The following FBXW11 variants were observed in gnomAD, a reference collection of about 807,000 sequenced individuals.
FBXW11 encodes F-box/WD repeat-containing protein 11.
FBXW11 carries 19 observed loss-of-function variants against 77.6 expected under a neutral mutation model. The observed-to-expected ratio is 0.24, with a 90% CI of 0.17 to 0.36. The LOEUF is 0.36. Among genes scored for constraint, FBXW11 ranks in the 10% least tolerant of loss-of-function variants. FBXW11 has a pLI of 1.00. For missense variants in FBXW11, 334 were observed against 704.2 expected, an observed-to-expected ratio of 0.47 and a Z score of 5.95; for synonymous variants, 235 against 249.4, an observed-to-expected ratio of 0.94 and a Z score of 0.54.
At chr5:171,886,016 G>A (rs142012555) in intron 7 of FBXW11, among the ~76,000 whole-genome samples, 268 of 152,330 alleles carry the variant, frequency 1.8e-3, no homozygotes, top group African/African-American at 6.1e-3. Flanking sequence ...TCAAATGGAT[G>A]TGCCACAATT....
intron 7 of FBXW11, among the ~76,000 whole-genome samples, chr5:171,890,433 C>T (rs190006993): frequency 1.4e-4 from 20 of 143,004 alleles, no homozygotes; most frequent in Admixed American, 5.2e-4. Context: ...TGAGGTAGGA[C>T]GGCAGGAGAA....
intron 10 of FBXW11, 90 bp downstream of exon 10, chr5:171,872,782 C>T (rs1012427785): frequency 1.1e-6 from 1 of 898,244 alleles, no homozygotes. Flanking sequence ...TCCCATTTAC[C>T]CTGAGTTGTT....
chr5:171,947,970 T>G (rs1763102369), intron 2 of FBXW11, among the ~76,000 whole-genome samples: 1 of 152,072 alleles, frequency 6.6e-6, no homozygotes, highest in Admixed American at 6.6e-5. Flanking sequence ...GCATGGTGGC[T>G]CACACCTATA....
At chr5:171,950,851 C>A (rs1581244742) in intron 2 of FBXW11, among the ~76,000 whole-genome samples, 1 of 152,138 alleles carries the variant, frequency 6.6e-6, no homozygotes, top group South Asian at 2.1e-4. Context: ...CATGCCACTA[C>A]ACTCTAGCCT....
intron 1 of FBXW11, among the ~76,000 whole-genome samples, chr5:171,976,341 T>C (rs1380947333): frequency 6.6e-6 from 1 of 152,188 alleles, no homozygotes; most frequent in African/African-American, 2.4e-5. Flanking sequence ...GTAGCAAATA[T>C]ACTCACTTTG....
Position 171,876,675 on chromosome 5 carries a change from C to T in FBXW11, c.972-141G>A. 1.7e-6 allele frequency: 2 copies of T among 1,153,844 alleles called. No individual in the cohort carries two copies. Among genetic ancestry groups the T allele is most frequent in the South Asian group, 3.0e-5 (2 of 66,110 alleles). 71.5% of individuals were successfully genotyped at this position (1,153,844 alleles called of 1,614,324 possible). A position where few individuals can be genotyped will look rare whatever the true frequency, so the allele number is the denominator to read the frequency against. On this transcript the variant is annotated intron_variant, in intron 8 of 13. Coordinates refer to ENST00000517395, the MANE Select transcript of FBXW11 (RefSeq NM_001378974.1). This position sits in a 1 kb window ranked among gnomAD's most constrained non-coding sequence, Gnocchi z 4.2. ...CAAATCTCATGTTGAAATTGATCCT[C>T]AATGTTGGAGGTGGGGCCTGGCAGG...
At chr5:171,954,832 C>A (rs1181646454) in intron 2 of FBXW11, among the ~76,000 whole-genome samples, 8 of 151,958 alleles carry the variant, frequency 5.3e-5, no homozygotes, top group African/African-American at 1.9e-4. Context: ...AAACCATATA[C>A]CAGGTGTCAA....
chr5:171,976,844 T>A (rs2113461590), intron 1 of FBXW11, among the ~76,000 whole-genome samples: 1 of 152,088 alleles, frequency 6.6e-6, no homozygotes, highest in Non-Finnish European at 1.5e-5. Flanking sequence ...GTCAGGAATT[T>A]GAGACTAGCC....
chr5:171,969,322 T>G (rs751128094), intron 1 of FBXW11, among the ~76,000 whole-genome samples: 3 of 152,200 alleles, frequency 2.0e-5, no homozygotes, highest in Non-Finnish European at 4.4e-5. Flanking sequence ...TCTCCTGATG[T>G]AATGAACATT....
intron 2 of FBXW11, among the ~76,000 whole-genome samples, chr5:171,944,119 A>G (rs1339574552): frequency 6.6e-6 from 1 of 152,180 alleles, no homozygotes; most frequent in Non-Finnish European, 1.5e-5. Flanking sequence ...TAAAATATAT[A>G]AGACAATGTC....
chr5:171,939,996 TA>T (rs774955230), intron 2 of FBXW11, among the ~76,000 whole-genome samples: 15 of 152,318 alleles, frequency 9.8e-5, no homozygotes, highest in Admixed American at 3.3e-4. Context: ...AAAAGCTATG[TA>T]AATAGTTGTT....
chr5:172,006,223 C>A (rs1766756813), intron 1 of FBXW11, among the ~76,000 whole-genome samples: 1 of 152,098 alleles, frequency 6.6e-6, no homozygotes, highest in African/African-American at 2.4e-5. Flanking sequence ...GAGACGGGAC[C>A]AGGGGGAGGG....
intron 1 of FBXW11, among the ~76,000 whole-genome samples, chr5:171,979,316 A>G (rs533905149): frequency 6.6e-6 from 1 of 152,246 alleles, no homozygotes; most frequent in African/African-American, 2.4e-5. Context: ...CTCAAAAAAT[A>G]AATATATACA....
chr5:171,950,686 G>T (rs1241631838), intron 2 of FBXW11, among the ~76,000 whole-genome samples: 1 of 152,140 alleles, frequency 6.6e-6, no homozygotes, highest in African/African-American at 2.4e-5. Context: ...AGGAGTTCGA[G>T]AACAGCCTGG....
intron 1 of FBXW11, among the ~76,000 whole-genome samples, chr5:171,959,976 C>A (rs979487885): frequency 1.1e-4 from 17 of 152,158 alleles, no homozygotes; most frequent in African/African-American, 4.1e-4. Flanking sequence ...GATTTTCTTT[C>A]CACTACAACA....
At chr5:171,983,911 C>T (rs1765292751) in intron 1 of FBXW11, among the ~76,000 whole-genome samples, 1 of 151,800 alleles carries the variant, frequency 6.6e-6, no homozygotes, top group Admixed American at 6.6e-5. Context: ...CAGCCAAGTA[C>T]TCAGCAACCC....
chr5:171,929,816 C>A (rs193285314), intron 2 of FBXW11, among the ~76,000 whole-genome samples: 3 of 152,188 alleles, frequency 2.0e-5, no homozygotes, highest in Non-Finnish European at 4.4e-5. Flanking sequence ...CGCACCACTG[C>A]GCTCCAGCCT....
intron 2 of FBXW11, among the ~76,000 whole-genome samples, chr5:171,940,856 C>T (rs1477015535): frequency 2.0e-5 from 3 of 148,348 alleles, no homozygotes; most frequent in Non-Finnish European, 3.0e-5. Context: ...CACTGCACTC[C>T]AGCCTGGCGA....
intron 1 of FBXW11, 127 bp downstream of exon 1, chr5:172,006,331 G>T: frequency 1.3e-6 from 1 of 779,664 alleles, no homozygotes; most frequent in Non-Finnish European, 1.9e-6. Context: ...GGGAAGGCTG[G>T]GGGCCCGGGT....
Sources: allele counts gnomAD v4.1 joint callset (sites outside exome capture counted in the v4.1 genomes callset), GRCh38; gene constraint gnomAD v4.1.1; non-coding constraint Gnocchi (gnomAD v3.1); transcripts MANE v1.5; gene names NCBI Gene and HGNC (gene_info 2026-07-23, HGNC 2026-07-21).